The following BMPR1A variants were observed in gnomAD, a reference collection of about 807,000 sequenced individuals.
BMPR1A encodes the protein bone morphogenetic protein receptor type 1A.
Under a neutral mutation model 66.0 loss-of-function variants are expected in BMPR1A, and 7 were observed. That is an observed-to-expected ratio of 0.11 (90% CI 0.06 to 0.20). BMPR1A has a LOEUF of 0.20. Among genes scored for constraint, BMPR1A ranks in the 10% least tolerant of loss-of-function variants. The pLI, the probability that BMPR1A is intolerant of heterozygous loss-of-function variation, is 1.00. For missense variants in BMPR1A, 408 were observed against 669.1 expected, an observed-to-expected ratio of 0.61 and a Z score of 4.31; for synonymous variants, 200 against 229.7, an observed-to-expected ratio of 0.87 and a Z score of 1.17.
chr10:86,887,905 A>G (rs924353996), intron 3 of BMPR1A, among the ~76,000 whole-genome samples: 20 of 152,182 alleles, frequency 1.3e-4, no homozygotes, highest in African/African-American at 4.6e-4. Flanking sequence ...GGGTAGGCCC[A>G]TGGCAAAACA....
intron 1 of BMPR1A, among the ~76,000 whole-genome samples, chr10:86,825,263 C>G (rs1460073175): frequency 2.6e-5 from 4 of 151,222 alleles, no homozygotes; most frequent in South Asian, 2.1e-4. Context: ...CCACCAGCAC[C>G]CAGCCAAGAA....
chr10:86,761,265 T>A (rs1306919647), intron 1 of BMPR1A, among the ~76,000 whole-genome samples: 1 of 152,250 alleles, frequency 6.6e-6, no homozygotes, highest in African/African-American at 2.4e-5. Context: ...TTTTATTTAC[T>A]CTGATGTTGT....
chr10:86,913,504 A>G (rs1654476395), intron 8 of BMPR1A, among the ~76,000 whole-genome samples: 1 of 152,132 alleles, frequency 6.6e-6, no homozygotes, highest in Non-Finnish European at 1.5e-5. Context: ...CTGCCTTCAT[A>G]GGCAGACAAC....
intron 2 of BMPR1A, among the ~76,000 whole-genome samples, chr10:86,852,872 G>C (rs138418537): frequency 1.3e-5 from 2 of 152,294 alleles, no homozygotes; most frequent in Admixed American, 6.5e-5. Flanking sequence ...TAGGCACAGA[G>C]AGAAACTTAT....
At chr10:86,872,700 C>G (rs898164815) in intron 2 of BMPR1A, among the ~76,000 whole-genome samples, 9 of 151,204 alleles carry the variant, frequency 6.0e-5, no homozygotes, top group Non-Finnish European at 1.5e-5. Flanking sequence ...TTGCTGTTAT[C>G]TCATTTGGTT....
At chr10:86,793,460 T>C (rs1841661067) in intron 1 of BMPR1A, among the ~76,000 whole-genome samples, 1 of 151,634 alleles carries the variant, frequency 6.6e-6, no homozygotes, top group East Asian at 1.9e-4. Context: ...GCCTCCCGGA[T>C]TCAAGCGATT....
At chr10:86,772,759 C>T (rs954257110) in intron 1 of BMPR1A, among the ~76,000 whole-genome samples, 24 of 152,028 alleles carry the variant, frequency 1.6e-4, no homozygotes, top group African/African-American at 2.9e-4. Context: ...GGCATGTAGA[C>T]GTCTAAAAAT....
chr10:86,814,144 A>G (rs919187854), intron 1 of BMPR1A, among the ~76,000 whole-genome samples: 1 of 152,122 alleles, frequency 6.6e-6, no homozygotes. Context: ...AGTATTTTCC[A>G]GTATGCAATG....
chr10:86,916,727 G>A (rs563674181), intron 8 of BMPR1A, among the ~76,000 whole-genome samples: 191 of 152,196 alleles, frequency 1.3e-3, no homozygotes, highest in Admixed American at 2.7e-3. Context: ...GGTGGCTCAC[G>A]CCTGTAATCC....
chr10:86,804,805 T>TTTTTTTTTTTTTTTTTTA (rs1841866556), intron 1 of BMPR1A, among the ~76,000 whole-genome samples: 1 of 150,592 alleles, frequency 6.6e-6, no homozygotes, highest in Non-Finnish European at 1.5e-5. Context: ...TTTTTTTTTT[T>TTTTTTTTTTTTTTTTTTA]TTTTTTTTTG....
chr10:86,829,440 C>T (rs1441312263), intron 1 of BMPR1A, among the ~76,000 whole-genome samples: 1 of 152,008 alleles, frequency 6.6e-6, no homozygotes, highest in African/African-American at 2.4e-5. Flanking sequence ...TCTTACTACC[C>T]ACAGCACAGC....
intron 1 of BMPR1A, among the ~76,000 whole-genome samples, chr10:86,787,033 G>A (rs373017660): frequency 6.6e-6 from 1 of 152,032 alleles, no homozygotes; most frequent in Non-Finnish European, 1.5e-5. Flanking sequence ...CATCTTTATT[G>A]TTCTGAGAAT....
intron 2 of BMPR1A, among the ~76,000 whole-genome samples, chr10:86,849,853 C>A (rs1842542482): frequency 6.6e-6 from 1 of 152,190 alleles, no homozygotes; most frequent in African/African-American, 2.4e-5. Flanking sequence ...CTTTCCTCAT[C>A]TGAATTTTAT....
chr10:86,758,419 T>C (rs562256599), intron 1 of BMPR1A, among the ~76,000 whole-genome samples: 14 of 152,112 alleles, frequency 9.2e-5, no homozygotes, highest in East Asian at 7.7e-4. Flanking sequence ...GGGGTTTTTT[T>C]CCTTTCCTTC....
At chr10:86,931,275 A>ATG (rs1295227005), downstream of BMPR1A, 8 of 104,876 alleles carry the variant, frequency 7.6e-5, 2 homozygotes, top group East Asian at 2.6e-3. Flanking sequence ...ATATATATAT[A>ATG]TATATACACA....
At chr10:86,901,240 C>T (rs764804464) in intron 7 of BMPR1A, among the ~76,000 whole-genome samples, 3 of 152,242 alleles carry the variant, frequency 2.0e-5, no homozygotes, top group Non-Finnish European at 4.4e-5. Context: ...TCTCAGCTGA[C>T]ATCTGACCCT....
chr10:86,771,826 A>T (rs921286505), intron 1 of BMPR1A, among the ~76,000 whole-genome samples: 3 of 152,176 alleles, frequency 2.0e-5, no homozygotes, highest in Non-Finnish European at 4.4e-5. Context: ...CAGTGGTGTG[A>T]ACATGGCTCA....
At chr10:86,879,204 A>G (rs912490802) in intron 3 of BMPR1A, among the ~76,000 whole-genome samples, 1 of 152,180 alleles carries the variant, frequency 6.6e-6, no homozygotes, top group African/African-American at 2.4e-5. Flanking sequence ...CTGAGAGACT[A>G]GACATCACAT....
intron 2 of BMPR1A, among the ~76,000 whole-genome samples, chr10:86,840,435 A>G (rs1029892949): frequency 6.6e-6 from 1 of 152,070 alleles, no homozygotes; most frequent in African/African-American, 2.4e-5. Flanking sequence ...TTCTGATTCT[A>G]CTTATTTAAT....
Sources: allele counts gnomAD v4.1 joint callset (sites outside exome capture counted in the v4.1 genomes callset), GRCh38; gene constraint gnomAD v4.1.1; transcripts MANE v1.5; gene names NCBI Gene and HGNC (gene_info 2026-07-23, HGNC 2026-07-21).